Variants in CERS2 observed in about 807,000 individuals in gnomAD.
The protein encoded by CERS2 is LAG1 homolog, ceramide synthase 2.
Under a neutral mutation model 56.6 loss-of-function variants are expected in CERS2, and 20 were observed. The ratio of observed to expected loss-of-function variants is 0.35; its 90% CI spans 0.25 to 0.51. The LOEUF (loss-of-function observed/expected upper bound fraction) is 0.51, where lower values mean the gene tolerates loss of function less well. Among genes scored for constraint, CERS2 ranks in the 20% least tolerant of loss-of-function variants. The probability of loss-of-function intolerance (pLI) is 0.96; values close to 1 mark genes in which losing one functional copy is unlikely to be tolerated. For missense variants in CERS2, 361 were observed against 488.6 expected, an observed-to-expected ratio of 0.74 and a Z score of 2.46; for synonymous variants, 187 against 175.4, an observed-to-expected ratio of 1.07 and a Z score of -0.52.
At chr1:150,969,191 C>CA in intron 1 of CERS2, 100 bp from the exon 2 acceptor site, 1 of 1,008,286 alleles carries the variant, frequency 9.9e-7, no homozygotes, top group Non-Finnish European at 1.5e-6. Flanking sequence ...GAGAAGGGGG[C>CA]AGAGAGTCGA....
intron 4 of CERS2, 93 bp downstream of exon 4, chr1:150,967,990 C>T: frequency 7.2e-7 from 1 of 1,394,658 alleles, no homozygotes; most frequent in Admixed American, 1.7e-5. Flanking sequence ...TTCACCTCCT[C>T]ACATCTCCCT....
chr1:150,968,691 G>T (rs201470993), intron 2 of CERS2, among the ~76,000 whole-genome samples, 179 bp from the exon 3 acceptor site: 2 of 152,146 alleles, frequency 1.3e-5, no homozygotes, highest in East Asian at 1.9e-4. Context: ...CCAGGCGGGC[G>T]GCGGGTAGAG....
rs1206123548 is a variant in CERS2, at chr1:150,966,813, A to G, written c.791T>C (p.Ile264Thr). The change falls in exon 9 of 11, where the codon ATC becomes ACC. Residue 264 changes from isoleucine (I) to threonine (T), a missense_variant. Physicochemically the swap from Ile to Thr is moderately conservative, Grantham distance 89 (BLOSUM62 -1). Coordinates refer to ENST00000368954, the MANE Select transcript of CERS2 (RefSeq NM_022075.5). ...YAGWKNTCNN[I>T]FIVFAIVFII... ...AAAAACAATGGCGAAGACGATGAAG[A>G]TGTTGTTGCAGGTGTTCTTCCATCC... 1 of 1,614,060 alleles carries G rather than the reference A, an allele frequency of 6.2e-7. No homozygotes were observed. The highest frequency in any genetic ancestry group is 1.1e-5 in the South Asian group (1 of 91,082).
At chr1:150,967,735 G>C (rs757679779) in intron 5 of CERS2, 21 bp from the exon 6 acceptor site, 2 of 1,613,324 alleles carry the variant, frequency 1.2e-6, no homozygotes, top group Non-Finnish European at 1.7e-6. Context: ...ATGGTGAGAA[G>C]TTAAAAGAGG....
At chr1:150,973,509 A>G (rs1671234636) in intron 1 of CERS2, among the ~76,000 whole-genome samples, 1 of 152,206 alleles carries the variant, frequency 6.6e-6, no homozygotes, top group Admixed American at 6.5e-5. Flanking sequence ...GGACCAGGGG[A>G]GAAAAGGATC....
chr1:150,966,657 G>A, intron 9 of CERS2, 28 bp from the exon 10 acceptor site: 2 of 1,613,174 alleles, frequency 1.2e-6, no homozygotes, highest in South Asian at 1.1e-5. Context: ...GAGAGAACGT[G>A]GACAAGAGCA....
intron 1 of CERS2, chr1:150,974,118 G>A (rs1378407031): frequency 6.6e-6 from 1 of 152,336 alleles, no homozygotes; most frequent in African/African-American, 2.4e-5. Context: ...TGGGCCGGTA[G>A]GAAGAAAACG....
intron 2 of CERS2, 49 bp from the exon 3 acceptor site, chr1:150,968,561 G>T (rs1282934721): frequency 1.4e-6 from 2 of 1,440,524 alleles, no homozygotes; most frequent in Non-Finnish European, 2.0e-6. Flanking sequence ...GAAGGGAAAG[G>T]GCTGCAAGCT....
chr1:150,973,999 T>A (rs1477315001), intron 1 of CERS2: 1 of 152,406 alleles, frequency 6.6e-6, no homozygotes, highest in Non-Finnish European at 1.5e-5. Flanking sequence ...CCACACCTCA[T>A]AACGGTATGC....
intron 1 of CERS2, chr1:150,973,899 C>T (rs1423994016): frequency 6.6e-6 from 1 of 152,280 alleles, no homozygotes; most frequent in Non-Finnish European, 1.5e-5. Flanking sequence ...TGCTCTACAC[C>T]TGCAGTCAAC....
At position 150,967,089 on chromosome 1, in the gene CERS2, G is replaced by A. The variant is rs757005744; in HGVS notation, c.726C>T (p.Ser242=). 8.1e-6 allele frequency: 13 copies of A among 1,613,898 alleles called. No homozygotes were observed. The highest frequency in any genetic ancestry group is 2.2e-5 in the South Asian group (2 of 91,070). The part of the protein sequence containing the change: ...GTLIMALHDS[S]DYLLESAKMF... ...GAAGCCTGACCTCCAGCAGGTAATC[G>A]GAAGAGTCATGCAGAGCCATGATTA... Residue 242 remains serine, a synonymous_variant, in exon 8 of 11, where the codon TCC becomes TCT. Transcript: ENST00000368954.
At chr1:150,972,969 G>A (rs587738571) in intron 1 of CERS2, among the ~76,000 whole-genome samples, 4 of 152,342 alleles carry the variant, frequency 2.6e-5, no homozygotes, top group African/African-American at 7.2e-5. Flanking sequence ...CAGGTGGTCA[G>A]TCTGACTGGC....
rs141621672 is a variant in CERS2, at chr1:150,966,173, T to C, written c.1118A>G (p.Asn373Ser). Reference sequence around the variant, plus strand: ...TCAGTCATTCTTACGATGGTTGTTATTGAGGATGGGGTGGCCATTGGCTAG... The same window carrying C: ...TCAGTCATTCTTACGATGGTTGTTACTGAGGATGGGGTGGCCATTGGCTAG... Reference protein sequence around the residue: ...RPLANGHPILNNNHRKND With the variant: ...RPLANGHPILSNNHRKND The change falls in exon 11 of 11, where the codon AAT (asparagine) becomes AGT (serine). Residue 373 changes from asparagine (N) to serine (S), a missense_variant. Asn to Ser is a conservative substitution (Grantham distance 46). This residue lies in a region of CERS2 where 122 missense variants were observed against 151.9 expected (regional missense o/e 0.80). Coordinates refer to ENST00000368954, the MANE Select transcript of CERS2 (RefSeq NM_022075.5). 131 of 1,609,136 alleles carry C rather than the reference T, an allele frequency of 8.1e-5. No individual in the cohort carries two copies. Among genetic ancestry groups the C allele is most frequent in the Admixed American group, 1.4e-4 (8 of 57,958 alleles).
chr1:150,968,245 C>T, intron 3 of CERS2, 44 bp from the exon 4 acceptor site: 1 of 1,582,374 alleles, frequency 6.3e-7, no homozygotes, highest in Non-Finnish European at 8.7e-7. Flanking sequence ...ACCTTCGGAA[C>T]TCAGCAGCAT....
At chr1:150,969,298 G>A (rs372505150) in intron 1 of CERS2, 15 of 552,844 alleles carry the variant, frequency 2.7e-5, no homozygotes, top group African/African-American at 7.6e-5. Flanking sequence ...CTGTTAGGCC[G>A]GCCGTGATGG....
Position 150,966,602 on chromosome 1 carries a change from T to A in CERS2, c.876A>T (p.Pro292=). 1 of 1,613,796 alleles carries A rather than the reference T, an allele frequency of 6.2e-7. No homozygotes were observed. The highest frequency in any genetic ancestry group is 1.1e-5 in the South Asian group (1 of 91,060). The change falls in exon 10 of 11, where the codon CCA becomes CCT. Residue 292 remains proline (P), a synonymous_variant. Transcript: ENST00000368954. ...CAAAGAAGGCAGGATAGAGCTCCAG[T>A]GGGTACACCAGGGTGCAATGCAGGA... The part of the protein sequence containing the change: ...FWILHCTLVY[P]LELYPAFFGY...
rs899881491 is a variant in CERS2, at chr1:150,965,363, C to T, written c.*785G>A. On this transcript the variant is annotated 3_prime_UTR_variant, in exon 11 of 11. Coordinates refer to ENST00000368954, the MANE Select transcript of CERS2 (RefSeq NM_022075.5). The stretch of plus-strand genomic sequence containing the variant: ...CTCTGCTGAAATGCTAGGTGCTAGC[C>T]GTAATTCTGGCTTTAAAACCAAAAC... 5.9e-5 allele frequency: 9 copies of T among 152,146 alleles called. No homozygotes were observed. Among genetic ancestry groups the T allele is most frequent in the African/African-American group, 1.7e-4 (7 of 41,296 alleles). The allele number at this position is 152,146 out of a possible 1,614,324, so 9.4% of individuals were successfully genotyped here.
Position 150,968,312 on chromosome 1 carries a change from C to A in CERS2, c.291+83G>T. ...GCACCACTGCTTCCCCATCTCTTCA[C>A]CTGCCAGAGCTAACATTCAAACCCT... On this transcript the variant is annotated intron_variant, in intron 3 of 10. Transcript: ENST00000368954. 2.0e-6 allele frequency: 3 copies of A among 1,467,694 alleles called. No homozygotes were observed. In the East Asian group the frequency reaches 6.8e-5, roughly 33 times the overall value. The allele number at this position is 1,467,694 out of a possible 1,614,324, so 90.9% of individuals were successfully genotyped here.
Position 150,967,699 on chromosome 1 carries a change from C to T in CERS2, c.484G>A (p.Asp162Asn). The change falls in exon 6 of 11, where the codon GAC (aspartate) becomes AAC (asparagine). Residue 162 changes from aspartate (D) to asparagine (N), a missense_variant. This residue lies in a region of CERS2 where 236 missense variants were observed against 309.2 expected (regional missense o/e 0.76). Transcript: ENST00000368954. ...TATCCCTCCCAAACTTTCTTCATGT[C>T]ATAGAACCAGGGTTTCTGCAGAGAG... ...AVIVDKPWFYDMKKVWEGYPI... is the reference protein window; with the variant it reads ...AVIVDKPWFYNMKKVWEGYPI... 6.2e-7 allele frequency: 1 copy of T among 1,614,016 alleles called. No homozygotes were observed. Among genetic ancestry groups the T allele is most frequent in the South Asian group, 1.1e-5 (1 of 91,072 alleles).
Sources: allele counts gnomAD v4.1 joint callset (sites outside exome capture counted in the v4.1 genomes callset), GRCh38; gene constraint gnomAD v4.1.1; regional missense constraint gnomAD v4.1.1; transcripts MANE v1.5; gene names NCBI Gene and HGNC (gene_info 2026-07-23, HGNC 2026-07-21).